The following BICC1 variants were observed in gnomAD, a reference collection of about 807,000 sequenced individuals.
BICC1 encodes the protein BicC family RNA binding protein 1.
BICC1 carries 43 observed loss-of-function variants against 111.0 expected under a neutral mutation model. The observed-to-expected ratio is 0.39, with a 90% CI of 0.30 to 0.50. The LOEUF (loss-of-function observed/expected upper bound fraction) is 0.50. Among genes scored for constraint, BICC1 ranks in the 20% least tolerant of loss-of-function variants. BICC1 has a pLI of 0.88. For missense variants in BICC1, 1,091 were observed against 1,203.2 expected (o/e 0.91, Z 1.38); for synonymous variants, 467 against 434.4 (o/e 1.07, Z -0.93).
chr10:58,700,715 G>A (rs1188541829), intron 2 of BICC1, among the ~76,000 whole-genome samples: 1 of 152,160 alleles, frequency 6.6e-6, no homozygotes, highest in East Asian at 1.9e-4. Context: ...GATGGCAAGT[G>A]GCCTTTGACC....
intron 1 of BICC1, among the ~76,000 whole-genome samples, chr10:58,589,539 A>G (rs879829406): frequency 6.6e-6 from 1 of 151,422 alleles, no homozygotes; most frequent in African/African-American, 2.4e-5. Flanking sequence ...TGGTGCAGTC[A>G]TGGCTCACTG....
rs561707303 is a variant in BICC1 at position 58,592,240 on chromosome 10, A to C, written c.191-28615A>C. Among the ~76,000 whole-genome samples the C allele has an allele frequency of 2.6e-5, 4 of 152,316 alleles. No individual in the cohort carries two copies. The East Asian group carries it at 7.7e-4, about 29-fold the overall frequency. On this transcript the variant is annotated intron_variant, in intron 1 of 20. Transcript: ENST00000373886. ...TATAGCCGAGTATTACTTTTGGCTA[A>C]AGTTAGGATAATGTTCTTTGCCCTA...
At chr10:58,632,419 A>G (rs1588951550) in intron 2 of BICC1, among the ~76,000 whole-genome samples, 1 of 152,222 alleles carries the variant, frequency 6.6e-6, no homozygotes, top group East Asian at 1.9e-4. Flanking sequence ...TTCTCTCCTC[A>G]AGAGGGGCAT....
intron 3 of BICC1, among the ~76,000 whole-genome samples, chr10:58,777,902 A>G (rs1220327728): frequency 6.6e-6 from 1 of 152,080 alleles, no homozygotes; most frequent in Non-Finnish European, 1.5e-5. Flanking sequence ...GTTGACTAGT[A>G]AGGAGATTAT....
At chr10:58,520,828 A>G (rs1467745114) in intron 1 of BICC1, among the ~76,000 whole-genome samples, 1 of 151,928 alleles carries the variant, frequency 6.6e-6, no homozygotes, top group African/African-American at 2.4e-5. Flanking sequence ...ATAACCACTG[A>G]TGATATTTTA....
intron 2 of BICC1, among the ~76,000 whole-genome samples, chr10:58,624,369 A>T (rs879891498): frequency 6.6e-6 from 1 of 152,186 alleles, no homozygotes; most frequent in East Asian, 1.9e-4. Context: ...TCAAACTATA[A>T]TACCTTTTAA....
intron 2 of BICC1, among the ~76,000 whole-genome samples, chr10:58,651,886 A>G (rs976423756): frequency 6.6e-6 from 1 of 152,148 alleles, no homozygotes; most frequent in Admixed American, 6.6e-5. Flanking sequence ...TGATTAAGTA[A>G]AAGTGCATCC....
intron 20 of BICC1, among the ~76,000 whole-genome samples, chr10:58,822,788 G>T (rs1844290039): frequency 1.3e-5 from 2 of 152,040 alleles, no homozygotes; most frequent in Admixed American, 6.6e-5. Context: ...TCCATTTATA[G>T]TCCCAGAACA....
intron 3 of BICC1, chr10:58,716,069 A>G: frequency 5.5e-6 from 8 of 1,466,788 alleles, no homozygotes; most frequent in South Asian, 1.2e-5. Context: ...AAAGAAAAGG[A>G]TATTAAAGGA....
Position 58,713,903 on chromosome 10 carries a change from TGA to T in BICC1, c.307+11761_307+11762del, listed in dbSNP as rs1225001674. On this transcript the variant is annotated intron_variant, in intron 3 of 20. Transcript: ENST00000373886. ...TTGAGATCCATTAAGGATTTTACTG[TGA>T]TTTATAAACTTTCTTCTGGAATGGT... Among the ~76,000 whole-genome samples, 9 of 152,360 alleles carry T rather than the reference TGA, an allele frequency of 5.9e-5. No individual in the cohort carries two copies. In the South Asian group the frequency reaches 1.9e-3, roughly 32 times the overall value.
At chr10:58,528,008 A>T (rs1453063944) in intron 1 of BICC1, among the ~76,000 whole-genome samples, 2 of 151,938 alleles carry the variant, frequency 1.3e-5, no homozygotes, top group Non-Finnish European at 2.9e-5. Context: ...CCCTGTAAAT[A>T]GTTGGTATTT....
intron 1 of BICC1, among the ~76,000 whole-genome samples, chr10:58,552,038 T>C (rs1487969703): frequency 1.3e-5 from 2 of 152,004 alleles, no homozygotes; most frequent in East Asian, 3.9e-4. Context: ...AATGCTCATT[T>C]TGTGTGCTAA....
intron 2 of BICC1, among the ~76,000 whole-genome samples, chr10:58,681,864 TTTC>T (rs1589013802): frequency 7.2e-6 from 1 of 138,506 alleles, no homozygotes; most frequent in African/African-American, 3.1e-5. Flanking sequence ...CAGCTCTCTC[TTTC>T]TTTTTTTTTT....
At chr10:58,813,690 C>G in intron 17 of BICC1, 140 bp from the exon 18 acceptor site, 1 of 847,596 alleles carries the variant, frequency 1.2e-6, no homozygotes, top group Non-Finnish European at 1.9e-6. Flanking sequence ...ACAGCCTTCC[C>G]GAGAGTCAAC....
chr10:58,729,234 A>G (rs897840865), intron 3 of BICC1, among the ~76,000 whole-genome samples: 1 of 152,180 alleles, frequency 6.6e-6, no homozygotes, highest in Non-Finnish European at 1.5e-5. Context: ...TTTGTTGTTC[A>G]GTGTAGTCAC....
At chr10:58,792,232 C>T (rs531681857) in intron 8 of BICC1, among the ~76,000 whole-genome samples, 1 of 150,432 alleles carries the variant, frequency 6.6e-6, no homozygotes, top group Non-Finnish European at 1.5e-5. Context: ...CTCAGTAGAT[C>T]AGAGGCTGTG....
At chr10:58,597,196 G>A (rs1385665328) in intron 1 of BICC1, among the ~76,000 whole-genome samples, 2 of 152,114 alleles carry the variant, frequency 1.3e-5, no homozygotes, top group Non-Finnish European at 2.9e-5. Flanking sequence ...TCACATATCA[G>A]TAGGACATCA....
intron 2 of BICC1, among the ~76,000 whole-genome samples, chr10:58,688,560 G>T (rs535856306): frequency 8.5e-5 from 13 of 152,218 alleles, no homozygotes; most frequent in Non-Finnish European, 1.6e-4. Context: ...AAATCATTTT[G>T]CTATAAAGAC....
At chr10:58,581,923 G>A (rs1844293197) in intron 1 of BICC1, among the ~76,000 whole-genome samples, 2 of 151,534 alleles carry the variant, frequency 1.3e-5, no homozygotes, top group African/African-American at 2.4e-5. Context: ...CCCATGTTAC[G>A]ATAACGGATT....
Sources: allele counts gnomAD v4.1 joint callset (sites outside exome capture counted in the v4.1 genomes callset), GRCh38; gene constraint gnomAD v4.1.1; transcripts MANE v1.5; gene names NCBI Gene and HGNC (gene_info 2026-07-23, HGNC 2026-07-21).